Variants in SMIM36 observed in about 807,000 individuals in gnomAD.
SMIM36 encodes the protein small integral membrane protein 36.
intron 1 of SMIM36, among the ~76,000 whole-genome samples, chr17:55,502,093 A>G (rs973336156): frequency 6.6e-6 from 1 of 151,506 alleles, no homozygotes; most frequent in Admixed American, 6.6e-5. Context: ...AATCTCGCTG[A>G]TTGCTAGCAC....
At chr17:55,529,570 A>C in the SMIM36 span, among the ~76,000 whole-genome samples, 254 of 152,044 alleles carry the variant, frequency 1.7e-3, 1 homozygote, top group Non-Finnish European at 2.6e-3. Flanking sequence ...GATCGAGACC[A>C]TCCTGGCTAA....
At chr17:55,497,784 T>C (rs1439680517) in intron 1 of SMIM36, among the ~76,000 whole-genome samples, 4 of 152,190 alleles carry the variant, frequency 2.6e-5, no homozygotes, top group Non-Finnish European at 4.4e-5. Context: ...CAGCCTCTAT[T>C]AAGTTTGGCC....
the SMIM36 span, among the ~76,000 whole-genome samples, chr17:55,530,241 G>T: frequency 1.3e-5 from 2 of 152,200 alleles, no homozygotes; most frequent in South Asian, 4.1e-4. Context: ...AGGTGGTAAA[G>T]GTCGAGGGTA....
At chr17:55,491,331 T>C (rs1909702548) in intron 1 of SMIM36, among the ~76,000 whole-genome samples, 1 of 151,338 alleles carries the variant, frequency 6.6e-6, no homozygotes, top group South Asian at 2.1e-4. Context: ...ACACAAATGC[T>C]ACTAGAGGTC....
intron 1 of SMIM36, among the ~76,000 whole-genome samples, chr17:55,487,070 T>C (rs1909620049): frequency 6.6e-6 from 1 of 151,980 alleles, no homozygotes; most frequent in Non-Finnish European, 1.5e-5. Flanking sequence ...GAACAAACGA[T>C]TCTAACATAA....
the SMIM36 span, among the ~76,000 whole-genome samples, chr17:55,524,945 C>T: frequency 2.6e-5 from 4 of 152,122 alleles, no homozygotes; most frequent in South Asian, 2.1e-4. Flanking sequence ...CTGAGCCATC[C>T]GATCCTCCCA....
At chr17:55,496,813 A>T (rs1909815599) in intron 1 of SMIM36, among the ~76,000 whole-genome samples, 1 of 152,228 alleles carries the variant, frequency 6.6e-6, no homozygotes, top group Admixed American at 6.5e-5. Context: ...GATTCTGGGC[A>T]GCTATAAAGT....
At chr17:55,452,585 C>T (rs953970434) in intron 4 of SMIM36, among the ~76,000 whole-genome samples, 1 of 152,174 alleles carries the variant, frequency 6.6e-6, no homozygotes, top group African/African-American at 2.4e-5. Context: ...CCATGAACAG[C>T]ACACAGAAAG....
chr17:55,502,383 C>T (rs1342089520), intron 1 of SMIM36, among the ~76,000 whole-genome samples: 1 of 100,582 alleles, frequency 9.9e-6, no homozygotes, highest in Non-Finnish European at 1.9e-5. Flanking sequence ...ATCTGAGAAC[C>T]GGCAGACTGC....
chr17:55,508,667 A>T (rs1462493694), intron 1 of SMIM36, among the ~76,000 whole-genome samples: 1 of 151,788 alleles, frequency 6.6e-6, no homozygotes, highest in East Asian at 1.9e-4. Context: ...TCACGCCTGT[A>T]AACCCAGCAC....
At chr17:55,517,979 C>T in the SMIM36 span, among the ~76,000 whole-genome samples, 2 of 152,064 alleles carry the variant, frequency 1.3e-5, no homozygotes, top group South Asian at 2.1e-4. Flanking sequence ...GAGGAGTGAA[C>T]AGAGAGATAA....
upstream of SMIM36, among the ~76,000 whole-genome samples, chr17:55,514,179 A>C (rs1306081354): frequency 6.6e-6 from 1 of 152,020 alleles, no homozygotes; most frequent in Non-Finnish European, 1.5e-5. Flanking sequence ...GTCTTTAAGG[A>C]ACTTTCCTCT....
At chr17:55,512,375 G>C (rs1910196384), upstream of SMIM36, among the ~76,000 whole-genome samples, 1 of 152,196 alleles carries the variant, frequency 6.6e-6, no homozygotes, top group African/African-American at 2.4e-5. Flanking sequence ...CCATACTCAG[G>C]ACTTTAGATA....
intron 4 of SMIM36, among the ~76,000 whole-genome samples, chr17:55,460,983 TTTGTAC>T (rs1909140216): frequency 6.6e-6 from 1 of 152,154 alleles, no homozygotes; most frequent in Non-Finnish European, 1.5e-5. Flanking sequence ...GAGAAGGAGA[TTTGTAC>T]TTGTGTAGAG....
chr17:55,527,398 G>T, the SMIM36 span, among the ~76,000 whole-genome samples: 2 of 152,128 alleles, frequency 1.3e-5, no homozygotes, highest in African/African-American at 4.8e-5. Flanking sequence ...ATAGCTTCTA[G>T]AAGTCAGAGT....
intron 4 of SMIM36, among the ~76,000 whole-genome samples, chr17:55,464,159 CT>C (rs1259276718): frequency 6.6e-6 from 1 of 152,096 alleles, no homozygotes; most frequent in Non-Finnish European, 1.5e-5. Context: ...TGTTAAATGA[CT>C]TTTCAGGTCA....
intron 2 of SMIM36, among the ~76,000 whole-genome samples, 182 bp downstream of exon 2, chr17:55,479,278 A>G (rs1909479796): frequency 6.6e-6 from 1 of 152,204 alleles, no homozygotes; most frequent in Non-Finnish European, 1.5e-5. Context: ...GTAACATCTG[A>G]ATATGTATTT....
upstream of SMIM36, among the ~76,000 whole-genome samples, chr17:55,513,303 C>T (rs1910213490): frequency 6.6e-6 from 1 of 152,188 alleles, no homozygotes; most frequent in Non-Finnish European, 1.5e-5. Flanking sequence ...GTCACCAGGG[C>T]TTTGGTGATC....
upstream of SMIM36, chr17:55,511,463 A>G (rs931564560): frequency 2.8e-5 from 11 of 393,618 alleles, no homozygotes; most frequent in Non-Finnish European, 4.9e-5. Flanking sequence ...ATTAATCCCT[A>G]CTGCTCCAGG....
Sources: allele counts gnomAD v4.1 joint callset (sites outside exome capture counted in the v4.1 genomes callset), GRCh38; gene constraint gnomAD v4.1.1; transcripts MANE v1.5; gene names NCBI Gene and HGNC (gene_info 2026-07-23, HGNC 2026-07-21).